Variants in MKLN1 observed in about 807,000 individuals in gnomAD.
The protein encoded by MKLN1 is muskelin.
MKLN1 carries 18 observed loss-of-function variants against 99.0 expected under a neutral mutation model. That is an observed-to-expected ratio of 0.18 (90% confidence interval 0.13 to 0.27). The LOEUF (loss-of-function observed/expected upper bound fraction) is 0.27, where lower values mean the gene tolerates loss of function less well. Ranked by LOEUF, MKLN1 falls within the 10% of genes least tolerant of loss-of-function variation. The pLI, the probability that MKLN1 is intolerant of heterozygous loss-of-function variation, is 1.00. For missense variants in MKLN1, 621 were observed against 875.9 expected (o/e 0.71, Z 3.67); for synonymous variants, 288 against 293.2 (o/e 0.98, Z 0.18).
intron 17 of MKLN1, among the ~76,000 whole-genome samples, chr7:131,480,477 G>T (rs1797092151): frequency 6.6e-6 from 1 of 152,160 alleles, no homozygotes; most frequent in African/African-American, 2.4e-5. Flanking sequence ...TATCCATAGC[G>T]AGTGATTGAG....
chr7:131,172,530 T>A (rs1215298491), intron 2 of MKLN1, among the ~76,000 whole-genome samples: 5 of 152,234 alleles, frequency 3.3e-5, no homozygotes, highest in Middle Eastern at 3.4e-3. Flanking sequence ...TTAGCCAGGA[T>A]GGTCTCAATC....
intron 3 of MKLN1, among the ~76,000 whole-genome samples, chr7:131,212,018 T>A (rs1796913208): frequency 6.6e-6 from 1 of 152,058 alleles, no homozygotes; most frequent in Non-Finnish European, 1.5e-5. Flanking sequence ...AATGCCAGAG[T>A]GAAGACAGTA....
At chr7:131,421,928 A>G (rs887604394) in intron 8 of MKLN1, among the ~76,000 whole-genome samples, 1 of 152,188 alleles carries the variant, frequency 6.6e-6, no homozygotes, top group African/African-American at 2.4e-5. Flanking sequence ...CCATAAATAT[A>G]TTTATAATAT....
chr7:131,348,830 A>G (rs925520623), intron 1 of MKLN1, among the ~76,000 whole-genome samples: 6 of 152,202 alleles, frequency 3.9e-5, no homozygotes, highest in African/African-American at 1.4e-4. Context: ...TGGTATAGAG[A>G]GAACACTGAC....
At chr7:131,438,030 A>C in intron 10 of MKLN1, 33 bp downstream of exon 10, 1 of 1,501,602 alleles carries the variant, frequency 6.7e-7, no homozygotes, top group Middle Eastern at 1.7e-4. Context: ...TGATGGAATT[A>C]ATCAGTGCTT....
chr7:131,192,088 ATATATATATGTATATATATAT>A lies in MKLN1; in HGVS notation c.-296-10759_-296-10739del, dbSNP rs1461491567. ...TATATTATATATATACATATATATTATATATATATGTATATATATATTATATATATACGTATATATATAAAA... is the reference window on the plus strand; with the variant it reads ...TATATTATATATATACATATATATTATATATATATACGTATATATATAAAA... On this transcript the variant is annotated intron_variant, in intron 2 of 7. Transcript: ENST00000416992. Among the ~76,000 whole-genome samples the A allele has an allele frequency of 2.5e-5, 2 of 80,722 alleles. 1 individual carries two copies. Among genetic ancestry groups the A allele is most frequent in the Non-Finnish European group, 5.1e-5 (2 of 39,414 alleles). The allele number at this position is 80,722 out of a possible 152,430, so 53.0% of individuals were successfully genotyped here.
intron 3 of MKLN1, among the ~76,000 whole-genome samples, chr7:131,222,213 A>T (rs1479710916): frequency 3.9e-5 from 6 of 152,192 alleles, no homozygotes; most frequent in Admixed American, 2.6e-4. Context: ...ATATTAACTC[A>T]TTTAATCCTT....
intron 17 of MKLN1, chr7:131,479,011 G>A (rs973611336): frequency 4.4e-6 from 1 of 228,480 alleles, no homozygotes; most frequent in Non-Finnish European, 8.4e-6. Context: ...AATACTTGTT[G>A]ATTAAATAGT....
intron 16 of MKLN1, among the ~76,000 whole-genome samples, chr7:131,477,953 C>G (rs1466881295): frequency 1.3e-5 from 2 of 152,164 alleles, no homozygotes; most frequent in Non-Finnish European, 2.9e-5. Context: ...TGTTAAATTG[C>G]TAATGTTGCA....
At chr7:131,163,582 G>A (rs150963598) in intron 2 of MKLN1, among the ~76,000 whole-genome samples, 8 of 152,260 alleles carry the variant, frequency 5.3e-5, no homozygotes, top group African/African-American at 1.9e-4. Flanking sequence ...AACCTCAATA[G>A]GACATTCTTC....
At chr7:131,345,017 G>T (rs1023152056) in intron 1 of MKLN1, among the ~76,000 whole-genome samples, 1 of 152,066 alleles carries the variant, frequency 6.6e-6, no homozygotes, top group South Asian at 2.1e-4. Flanking sequence ...TGTTGGCCAG[G>T]CTGGTCTCGA....
In MKLN1 at chr7:131,437,767, TTCTC is replaced by T. The variant is rs760333382; in HGVS notation, c.961-8_961-5del. ...CTCTTTATTTGTTTATTTATTTATT[TTCTC>T]TCTCTCTCTACAGAATGGTCCTAGT... On this transcript the variant is annotated splice_polypyrimidine_tract_variant and intron_variant, in intron 9 of 17. Transcript: ENST00000352689. 7 of 1,535,942 alleles carry T rather than the reference TTCTC, an allele frequency of 4.6e-6. No homozygotes were observed. In the African/African-American group the frequency reaches 5.5e-5, roughly 12 times the overall value.
chr7:131,197,457 C>T (rs1458643763), intron 2 of MKLN1, among the ~76,000 whole-genome samples: 3 of 149,078 alleles, frequency 2.0e-5, no homozygotes, highest in African/African-American at 7.4e-5. Flanking sequence ...ATTATGTTGC[C>T]CAGGCTGGTC....
At chr7:131,347,858 A>G (rs1012812090) in intron 1 of MKLN1, among the ~76,000 whole-genome samples, 25 of 152,232 alleles carry the variant, frequency 1.6e-4, no homozygotes, top group Admixed American at 1.6e-3. Flanking sequence ...CAGTGCAATA[A>G]CATTTTTTAA....
rs528293017 is a variant in MKLN1, at chr7:131,448,424, C to A, written c.1525+2521C>A. On this transcript the variant is annotated intron_variant, in intron 12 of 17. Coordinates refer to ENST00000352689, the MANE Select transcript of MKLN1 (RefSeq NM_013255.5). ...GCTTTAGAGCAGTGTGGCAATTATT[C>A]TTTTTATTTAATTTTGTTGTGGTCA... Among the ~76,000 whole-genome samples the A allele has an allele frequency of 2.6e-5, 4 of 152,000 alleles. No homozygotes were observed. The South Asian group carries it at 8.3e-4, about 31-fold the overall frequency.
chr7:131,219,345 T>C, intron 3 of MKLN1, among the ~76,000 whole-genome samples: 1 of 152,200 alleles, frequency 6.6e-6, no homozygotes, highest in Non-Finnish European at 1.5e-5. Context: ...CCTTGGTTTC[T>C]GTGCCCCATC....
chr7:131,175,235 A>AAGAG (rs1796280573), intron 2 of MKLN1, among the ~76,000 whole-genome samples: 1 of 151,568 alleles, frequency 6.6e-6, no homozygotes, highest in Non-Finnish European at 1.5e-5. Context: ...AGAGAGATAG[A>AAGAG]ATGGATGGAT....
In MKLN1 at chr7:131,256,775, A is replaced by T. The variant is rs941486419; in HGVS notation, c.-179+53801A>T. Among the ~76,000 whole-genome samples the T allele has an allele frequency of 4.6e-5, 7 of 152,178 alleles. No individual in the cohort carries two copies. In the South Asian group the frequency reaches 1.4e-3, roughly 31 times the overall value. ...GGGTACACATAGACACAAATATGGAAATAATAGACACAGGGACTCCAAAAG... is the reference window on the plus strand; with the variant it reads ...GGGTACACATAGACACAAATATGGATATAATAGACACAGGGACTCCAAAAG... On this transcript the variant is annotated intron_variant, in intron 3 of 7. Coordinates refer to the MKLN1 transcript ENST00000416992.
At chr7:131,278,707 C>T (rs912592353) in intron 3 of MKLN1, among the ~76,000 whole-genome samples, 2 of 152,108 alleles carry the variant, frequency 1.3e-5, no homozygotes, top group African/African-American at 4.8e-5. Context: ...GTCCTCCCAG[C>T]TCAGCCTCCC....
Sources: gnomAD v4.1 joint callset for allele counts (sites outside exome capture counted in the v4.1 genomes callset) on GRCh38, gnomAD v4.1.1 for gene constraint, MANE v1.5 for transcripts, NCBI Gene and HGNC (gene_info 2026-07-23, HGNC 2026-07-21) for gene names.